LDB3: variants seen among roughly 807,000 people sequenced by gnomAD.
LDB3 encodes LIM domain binding 3.
LDB3 carries 49 observed loss-of-function variants against 69.0 expected under a neutral mutation model. The ratio of observed to expected loss-of-function variants is 0.71; its 90% CI spans 0.56 to 0.90. The LOEUF is 0.90. LDB3 is among the 40% of genes least tolerant of loss of function. The pLI is 0.00. For synonymous variants in LDB3, 387 were observed against 396.2 expected (o/e 0.98, Z 0.28); for missense variants, 928 against 974.1 (o/e 0.95, Z 0.63).
In LDB3 at chr10:86,718,124, T is replaced by C; in HGVS notation, c.1837T>C (p.Cys613Arg). The part of the protein sequence containing the change: ...EQFFAPLCAK[C>R]NTKIMGEVMH... Reference sequence around the variant, plus strand: ...ATTCTTTGCCCCGCTGTGTGCCAAGTGCAACACCAAAATTATGGGGGTAAG... The same window carrying C: ...ATTCTTTGCCCCGCTGTGTGCCAAGCGCAACACCAAAATTATGGGGGTAAG... Residue 613 changes from cysteine to arginine, a missense_variant, in exon 11 of 14, where the codon TGC becomes CGC. Physicochemically the swap from Cys to Arg is radical, Grantham distance 180 (BLOSUM62 -3). Transcript: ENST00000361373. 6.2e-7 allele frequency: 1 copy of C among 1,614,204 alleles called. No homozygotes were observed. The highest frequency in any genetic ancestry group is 8.5e-7 in the Non-Finnish European group (1 of 1,180,048).
chr10:86,699,543 G>A lies in LDB3; in HGVS notation c.896+6972G>A. Reference sequence around the variant, plus strand: ...TCTGTCCTCTGCCCACCCCAGAGCTGATGCTGGGGCCCAGCCCCCTGCAGC... The same window carrying A: ...TCTGTCCTCTGCCCACCCCAGAGCTAATGCTGGGGCCCAGCCCCCTGCAGC... On this transcript the variant is annotated intron_variant, in intron 7 of 13. Transcript: ENST00000361373. This position sits in a 1 kb window ranked among gnomAD's most constrained non-coding sequence, Gnocchi z 4.9. 1 of 1,481,532 alleles carries A rather than the reference G, an allele frequency of 6.7e-7. No individual in the cohort carries two copies. The highest frequency in any genetic ancestry group is 8.9e-7 in the Non-Finnish European group (1 of 1,117,448). The allele number at this position is 1,481,532 out of a possible 1,614,324, so 91.8% of individuals were successfully genotyped here.
At chr10:86,671,464 CA>C (rs1473088695) in intron 2 of LDB3, among the ~76,000 whole-genome samples, 1 of 152,132 alleles carries the variant, frequency 6.6e-6, no homozygotes, top group East Asian at 1.9e-4. Flanking sequence ...CTTGCAGACC[CA>C]CAGAGAAGGG....
rs1847552186 is a variant in LDB3 at position 86,733,885 on chromosome 10, T to C, written c.*909T>C. On this transcript the variant is annotated 3_prime_UTR_variant, in exon 14 of 14. Transcript: ENST00000361373. ...TCGTGTGCATGAATTTCACCCCAAC[T>C]TGTGACTGCTCACTTATGACGTCTC... 6.6e-6 allele frequency: 1 copy of C among 152,328 alleles called. No homozygotes were observed. Among genetic ancestry groups the C allele is most frequent in the South Asian group, 2.1e-4 (1 of 4,818 alleles). The allele number at this position is 152,328 out of a possible 1,614,324, so 9.4% of individuals were successfully genotyped here.
intron 13 of LDB3, among the ~76,000 whole-genome samples, chr10:86,728,586 G>GTTTTTTTTTTTTTTT (rs201899694): frequency 9.9e-5 from 13 of 131,442 alleles, no homozygotes; most frequent in East Asian, 2.3e-4. Flanking sequence ...TGGTTCTTTT[G>GTTTTTTTTTTTTTTT]TTTTTTTTTT....
intron 5 of LDB3, among the ~76,000 whole-genome samples, chr10:86,683,283 C>T (rs1464684453): frequency 6.6e-6 from 1 of 152,246 alleles, no homozygotes; most frequent in Non-Finnish European, 1.5e-5. Context: ...CATGCCTTAT[C>T]TCTCAGCAAC....
At chr10:86,731,390 A>G (rs1847455330) in intron 13 of LDB3, among the ~76,000 whole-genome samples, 1 of 151,314 alleles carries the variant, frequency 6.6e-6, no homozygotes, top group Non-Finnish European at 1.5e-5. Flanking sequence ...ACACCCGGCT[A>G]ATTTTTGTAT....
At chr10:86,706,373 T>C (rs963383181) in intron 7 of LDB3, among the ~76,000 whole-genome samples, 158 bp from the exon 8 acceptor site, 6 of 152,210 alleles carry the variant, frequency 3.9e-5, no homozygotes, top group African/African-American at 1.4e-4. Flanking sequence ...TTCCCTGAGC[T>C]GGAAGACACA....
intron 7 of LDB3, among the ~76,000 whole-genome samples, chr10:86,695,802 G>A (rs1158499697): frequency 6.6e-6 from 1 of 152,202 alleles, no homozygotes; most frequent in Non-Finnish European, 1.5e-5. Context: ...TTGGGGATAG[G>A]GGTGGGGACA....
chr10:86,696,437 T>C (rs1252174728), intron 7 of LDB3, among the ~76,000 whole-genome samples: 1 of 152,226 alleles, frequency 6.6e-6, no homozygotes, highest in Non-Finnish European at 1.5e-5. Context: ...TGGGAGGTCG[T>C]CTTTCTTGCT....
In LDB3 at chr10:86,734,187, T is replaced by C. The variant is rs762273288; in HGVS notation, c.*1211T>C. ...GCTGGAAGGGACAGATGCACTGATA[T>C]ATATGCATTTGCTGTTTTGGCCAAT... On this transcript the variant is annotated 3_prime_UTR_variant, in exon 14 of 14. Coordinates refer to ENST00000361373, the MANE Select transcript of LDB3 (RefSeq NM_007078.3). 8 of 152,228 alleles carry C rather than the reference T, an allele frequency of 5.3e-5. No homozygotes were observed. The highest frequency in any genetic ancestry group is 1.7e-4 in the African/African-American group (7 of 41,456). 9.4% of individuals were successfully genotyped at this position (152,228 alleles called of 1,614,324 possible). A position where few individuals can be genotyped will look rare whatever the true frequency, so the allele number is the denominator to read the frequency against.
rs73346129 is a variant in LDB3, at chr10:86,729,447, G to A, written c.2094+3195G>A. On this transcript the variant is annotated intron_variant, in intron 13 of 13. Transcript: ENST00000361373. ...GTCTTGCCCTTCCCCACTGGTGTGG[G>A]TATCAGGAGGGGATGGGCAGTAATA... 6.4e-3 allele frequency among the ~76,000 whole-genome samples: 973 copies of A among 152,192 alleles called. 9 individuals are homozygous for A. The highest frequency in any genetic ancestry group is 0.022 in the African/African-American group (922 of 41,530).
intron 2 of LDB3, 52 bp downstream of exon 2, chr10:86,668,836 G>A (rs371472781): frequency 4.4e-6 from 6 of 1,356,500 alleles, no homozygotes; most frequent in African/African-American, 1.4e-5. Flanking sequence ...CACGCTTGGA[G>A]GAGGGCATGT....
At chr10:86,704,746 TTTTG>T (rs1238565920) in intron 7 of LDB3, among the ~76,000 whole-genome samples, 10 of 145,316 alleles carry the variant, frequency 6.9e-5, no homozygotes, top group Non-Finnish European at 1.2e-4. Context: ...GCCTGGCTGA[TTTTG>T]TTTTTGTATT....
At chr10:86,700,517 A>ACTCAGGGGGCCAGGGCTGGGG (rs1452386960) in intron 7 of LDB3, among the ~76,000 whole-genome samples, 3 of 152,120 alleles carry the variant, frequency 2.0e-5, no homozygotes, top group African/African-American at 7.2e-5. Flanking sequence ...TCACAAGGGA[A>ACTCAGGGGGCCAGGGCTGGGG]CTCAGGGGGC....
rs1589618383 is a variant in LDB3 at position 86,679,613 on chromosome 10, C to T, written c.245+95C>T. ...GATTGTCCCATAGCAATTGAGTGGG[C>T]CCCGCCCTGGGCTACAAAACTGTGC... On this transcript the variant is annotated intron_variant, in intron 3 of 13. Transcript: ENST00000361373. 8 of 1,394,652 alleles carry T rather than the reference C, an allele frequency of 5.7e-6. No individual in the cohort carries two copies. The Admixed American group carries it at 1.0e-4, about 18-fold the overall frequency. 86.4% of individuals were successfully genotyped at this position (1,394,652 alleles called of 1,614,324 possible). A position where few individuals can be genotyped will look rare whatever the true frequency, so the allele number is the denominator to read the frequency against.
chr10:86,687,377 C>A, intron 5 of LDB3: 1 of 1,148,742 alleles, frequency 8.7e-7, no homozygotes, highest in Non-Finnish European at 1.3e-6. Context: ...GTTGGACCTC[C>A]TGGAGGCATG....
chr10:86,700,971 G>A (rs981712124), intron 7 of LDB3, among the ~76,000 whole-genome samples: 4 of 152,336 alleles, frequency 2.6e-5, no homozygotes, highest in East Asian at 1.9e-4. Context: ...AGAGCTCTGC[G>A]CCCATTCCTG....
chr10:86,695,592 C>T (rs1845960529), intron 7 of LDB3, among the ~76,000 whole-genome samples: 1 of 152,268 alleles, frequency 6.6e-6, no homozygotes, highest in African/African-American at 2.4e-5. Context: ...CTTCTGCCTA[C>T]TTCCACATGG....
At chr10:86,684,332 A>T (rs1845337389) in intron 5 of LDB3, among the ~76,000 whole-genome samples, 1 of 152,206 alleles carries the variant, frequency 6.6e-6, no homozygotes, top group Non-Finnish European at 1.5e-5. Context: ...CCTGGGTGGG[A>T]GAAGCTGAGC....
Sources: gnomAD v4.1 joint callset for allele counts (sites outside exome capture counted in the v4.1 genomes callset) on GRCh38, gnomAD v4.1.1 for gene constraint, Gnocchi (gnomAD v3.1) non-coding constraint, MANE v1.5 for transcripts, NCBI Gene and HGNC (gene_info 2026-07-23, HGNC 2026-07-21) for gene names.